Variants in KSR2 observed in about 807,000 individuals in gnomAD.
The protein encoded by KSR2 is kinase suppressor of ras 2.
KSR2 carries 25 observed loss-of-function variants against 107.8 expected under a neutral mutation model. The observed-to-expected ratio is 0.23, with a 90% CI of 0.17 to 0.32. KSR2 has a LOEUF of 0.32. Ranked by LOEUF, KSR2 falls within the 10% of genes least tolerant of loss-of-function variation. The probability of loss-of-function intolerance (pLI) is 1.00; values close to 1 mark genes in which losing one functional copy is unlikely to be tolerated. For missense variants in KSR2, 887 were observed against 1,268.9 expected, an observed-to-expected ratio of 0.70 and a Z score of 4.57; for synonymous variants, 480 against 507.0, an observed-to-expected ratio of 0.95 and a Z score of 0.71.
Position 117,669,144 on chromosome 12 carries a change from A to T in KSR2, c.987-1486T>A, listed in dbSNP as rs145369036. ...CCTACAACATGGTACATTCATGGCA[A>T]CAATTGTGCAATAAAGCCAGGGACT... is the stretch of plus-strand genomic sequence containing the variant. On this transcript the variant is annotated intron_variant, in intron 4 of 19. Transcript: ENST00000339824. 2.1e-3 allele frequency among the ~76,000 whole-genome samples: 313 copies of T among 152,356 alleles called. 6 individuals are homozygous for T. The highest frequency in any genetic ancestry group is 0.02 in the Admixed American group (303 of 15,310).
At chr12:117,533,055 T>C (rs1875778603) in intron 10 of KSR2, among the ~76,000 whole-genome samples, 1 of 152,174 alleles carries the variant, frequency 6.6e-6, no homozygotes, top group Non-Finnish European at 1.5e-5. Flanking sequence ...AAAATGAGGA[T>C]AATAACAGTC....
chr12:117,742,741 T>C (rs955378947), intron 4 of KSR2, among the ~76,000 whole-genome samples: 2 of 152,264 alleles, frequency 1.3e-5, no homozygotes, highest in African/African-American at 4.8e-5. Context: ...TTTTCCCGGC[T>C]AAGTATTTTG....
intron 5 of KSR2, among the ~76,000 whole-genome samples, chr12:117,620,577 G>A (rs1034664314): frequency 1.3e-5 from 2 of 152,160 alleles, no homozygotes; most frequent in African/African-American, 4.8e-5. Context: ...CACTATTGAA[G>A]CTTATGCACT....
At chr12:117,779,883 C>T (rs1332533827) in intron 3 of KSR2, among the ~76,000 whole-genome samples, 1 of 152,116 alleles carries the variant, frequency 6.6e-6, no homozygotes, top group Non-Finnish European at 1.5e-5. Flanking sequence ...AACACACTAT[C>T]GTTGCTATCA....
At chr12:117,923,608 C>A (rs1042410975) in intron 1 of KSR2, among the ~76,000 whole-genome samples, 2 of 151,916 alleles carry the variant, frequency 1.3e-5, no homozygotes, top group South Asian at 4.1e-4. Context: ...AAGGATACAG[C>A]GAGCTATGAT....
intron 4 of KSR2, among the ~76,000 whole-genome samples, chr12:117,676,024 C>G (rs534341146): frequency 6.6e-6 from 1 of 152,180 alleles, no homozygotes; most frequent in Non-Finnish European, 1.5e-5. Context: ...TCCAATGACC[C>G]AAGAGGAGGC....
chr12:117,877,971 G>A (rs1419208785), intron 1 of KSR2, among the ~76,000 whole-genome samples: 2 of 152,116 alleles, frequency 1.3e-5, no homozygotes, highest in African/African-American at 4.8e-5. Flanking sequence ...TATGAGAGAT[G>A]GGTTCTTTAT....
intron 1 of KSR2, among the ~76,000 whole-genome samples, chr12:117,872,020 A>AT (rs1893670563): frequency 2.0e-5 from 3 of 152,172 alleles, no homozygotes; most frequent in Admixed American, 2.0e-4. Flanking sequence ...AAAATCAGAC[A>AT]TTTGCCAATC....
intron 3 of KSR2, among the ~76,000 whole-genome samples, chr12:117,761,958 T>A (rs1889052072): frequency 6.6e-6 from 1 of 152,226 alleles, no homozygotes; most frequent in Admixed American, 6.5e-5. Flanking sequence ...CAAATGCATG[T>A]TACATCATAC....
chr12:117,809,012 G>T (rs1891104306), intron 3 of KSR2, among the ~76,000 whole-genome samples: 1 of 152,126 alleles, frequency 6.6e-6, no homozygotes, highest in Non-Finnish European at 1.5e-5. Flanking sequence ...CATTGAAGAT[G>T]GTAGAGCATG....
rs540106809 is a variant in KSR2 at position 117,719,848 on chromosome 12, C to T, written c.986+41163G>A. Among the ~76,000 whole-genome samples, 6 of 152,326 alleles carry T rather than the reference C, an allele frequency of 3.9e-5. No homozygotes were observed. In the South Asian group the frequency reaches 1.2e-3, roughly 32 times the overall value. On this transcript the variant is annotated intron_variant, in intron 4 of 19. Coordinates refer to ENST00000339824, the MANE Select transcript of KSR2 (RefSeq NM_173598.6). ...CATTGGTCTTGTATGACTATATGAA[C>T]AGAGTCTGAGAATATTAGAACTATA... is the stretch of plus-strand genomic sequence containing the variant.
intron 4 of KSR2, among the ~76,000 whole-genome samples, chr12:117,731,222 T>C (rs186060631): frequency 0.08 from 8,119 of 101,944 alleles, 351 homozygotes; most frequent in Middle Eastern, 0.23. Flanking sequence ...AGGTGAGGAG[T>C]GTCTCTGCCC....
intron 14 of KSR2, among the ~76,000 whole-genome samples, chr12:117,511,023 G>T (rs1291503682): frequency 6.6e-6 from 1 of 152,170 alleles, no homozygotes; most frequent in Non-Finnish European, 1.5e-5. Flanking sequence ...GGTAGGGACT[G>T]TTAGACTATT....
intron 1 of KSR2, among the ~76,000 whole-genome samples, chr12:117,870,689 G>T (rs1388183939): frequency 6.6e-6 from 1 of 152,180 alleles, no homozygotes; most frequent in Admixed American, 6.6e-5. Context: ...TGTGGATTCT[G>T]GGGAGGTGTT....
At position 117,661,077 on chromosome 12, in the gene KSR2, G is replaced by A. The variant is rs1018490297; in HGVS notation, c.1171+6397C>T. ...CACTTAATGTAGGCATCCTGCCAAG[G>A]ACATCTAGCCTGAGTCCAGCCAGGA... On this transcript the variant is annotated intron_variant, in intron 5 of 19. Coordinates refer to ENST00000339824, the MANE Select transcript of KSR2 (RefSeq NM_173598.6). 7.9e-5 allele frequency among the ~76,000 whole-genome samples: 12 copies of A among 152,204 alleles called. No homozygotes were observed. The South Asian group carries it at 2.5e-3, about 31-fold the overall frequency.
chr12:117,542,139 C>G (rs1008545191), intron 9 of KSR2, among the ~76,000 whole-genome samples: 10 of 151,924 alleles, frequency 6.6e-5, no homozygotes, highest in African/African-American at 2.4e-4. Flanking sequence ...TGATCCTCCC[C>G]CCTCAGCCTC....
At chr12:117,713,441 CT>C (rs1404321079) in intron 4 of KSR2, among the ~76,000 whole-genome samples, 5 of 152,158 alleles carry the variant, frequency 3.3e-5, no homozygotes, top group Middle Eastern at 3.4e-3. Context: ...ATTTTGGCAC[CT>C]TAGTTATTAT....
chr12:117,713,466 G>C (rs369970621), intron 4 of KSR2, among the ~76,000 whole-genome samples: 9 of 152,144 alleles, frequency 5.9e-5, no homozygotes, highest in African/African-American at 2.2e-4. Context: ...TCAAAGGAAT[G>C]TGCAACAAAT....
chr12:117,608,275 C>T (rs866752497), intron 5 of KSR2, among the ~76,000 whole-genome samples: 3 of 152,284 alleles, frequency 2.0e-5, no homozygotes, highest in South Asian at 2.1e-4. Flanking sequence ...CTGTGTCTTA[C>T]GCAGTGCCCA....
Sources: gnomAD v4.1 joint callset for allele counts (sites outside exome capture counted in the v4.1 genomes callset) on GRCh38, gnomAD v4.1.1 for gene constraint, MANE v1.5 for transcripts, NCBI Gene and HGNC (gene_info 2026-07-23, HGNC 2026-07-21) for gene names.